The following ATG4D variants were observed in gnomAD, a reference collection of about 807,000 sequenced individuals.
The protein encoded by ATG4D is cysteine protease ATG4D.
In ATG4D, 51 loss-of-function variants were observed where a neutral mutation model predicts 55.2. The ratio of observed to expected loss-of-function variants is 0.92; its 90% CI spans 0.74 to 1.17. The LOEUF is 1.17. Ranked by LOEUF, ATG4D falls within the 50% of genes most tolerant of loss-of-function variation. ATG4D has a pLI of 0.00. For synonymous variants in ATG4D, 268 were observed against 266.2 expected (o/e 1.01, Z -0.07); for missense variants, 635 against 649.6 (o/e 0.98, Z 0.25).
rs1369132219 is a variant in ATG4D at position 10,552,246 on chromosome 19, G to C, written c.1164G>C (p.Lys388Asn). ...CTSPRKMAFA[K>N]MDPSCTVGFY... Reference sequence around the variant, plus strand: ...CGCCCCGCAAGATGGCCTTTGCCAAGATGGACCCAAGCTGTACCGTGGGCT... The same window carrying C: ...CGCCCCGCAAGATGGCCTTTGCCAACATGGACCCAAGCTGTACCGTGGGCT... The change falls in exon 9 of 10, where the codon AAG becomes AAC. Residue 388 changes from lysine (K) to asparagine (N), a missense_variant. Physicochemically the swap from Lys to Asn is moderately conservative, Grantham distance 94. Transcript: ENST00000309469. The C allele has an allele frequency of 1.2e-6, 2 of 1,613,660 alleles. No homozygotes were observed. The highest frequency in any genetic ancestry group is 3.3e-5 in the Admixed American group (2 of 60,006).
At position 10,544,325 on chromosome 19, in the gene ATG4D, G is replaced by A; in HGVS notation, c.235G>A (p.Gly79Ser). Residue 79 changes from glycine to serine, a missense_variant and splice_region_variant, in exon 1 of 10, where the codon GGT becomes AGT. Gly to Ser is a moderately conservative substitution (Grantham distance 56). Transcript: ENST00000309469. ...GACAGCCTGGAACAACGTCAAGTACGGTGAGGAGGGGGCCCGGAGATCGTG... is the reference window on the plus strand; with the variant it reads ...GACAGCCTGGAACAACGTCAAGTACAGTGAGGAGGGGGCCCGGAGATCGTG... ...FLTAWNNVKY[G>S]WVVKSRTSFS... 1.5e-6 allele frequency: 2 copies of A among 1,318,428 alleles called. No individual in the cohort carries two copies. Among genetic ancestry groups the A allele is most frequent in the South Asian group, 5.6e-5 (2 of 35,784 alleles). 81.7% of individuals were successfully genotyped at this position (1,318,428 alleles called of 1,614,324 possible). A position where few individuals can be genotyped will look rare whatever the true frequency, so the allele number is the denominator to read the frequency against.
intron 6 of ATG4D, among the ~76,000 whole-genome samples, chr19:10,549,438 G>A (rs747601203): frequency 6.1e-4 from 86 of 140,130 alleles, no homozygotes; most frequent in Non-Finnish European, 1.1e-3. Flanking sequence ...TTTTTTTTGA[G>A]ACAGAGTCTT....
Position 10,548,947 on chromosome 19 carries a change from C to G in ATG4D, c.879C>G (p.Pro293=). The G allele has an allele frequency of 6.2e-7, 1 of 1,614,058 alleles. No homozygotes were observed. The highest frequency in any genetic ancestry group is 8.5e-7 in the Non-Finnish European group (1 of 1,180,012). The change falls in exon 6 of 10, where the codon CCC becomes CCG. Residue 293 remains proline, a synonymous_variant. Transcript: ENST00000309469. ...DVARLVARPD[P]TAEWKSVVIL... is the part of the protein sequence containing the mutation. ...CACGCCTGGTGGCCAGGCCAGACCC[C>G]ACAGCCGAGTGGAAGTCTGTGGTCA...
Position 10,544,112 on chromosome 19 carries a change from G to A in ATG4D, c.22G>A (p.Ala8Thr). The change falls in exon 1 of 10, where the codon GCC (alanine) becomes ACC (threonine). Residue 8 changes from alanine to threonine, a missense_variant. Coordinates refer to ENST00000309469, the MANE Select transcript of ATG4D (RefSeq NM_032885.6). MNSVSPA[A>T]AQYRSSSPED... ...GTCCATGAACTCAGTGTCGCCGGCC[G>A]CCGCGCAGTACCGGAGCAGCAGCCC... 1 of 1,241,858 alleles carries A rather than the reference G, an allele frequency of 8.1e-7. No homozygotes were observed. Among genetic ancestry groups the A allele is most frequent in the Non-Finnish European group, 1.0e-6 (1 of 985,896 alleles). The allele number at this position is 1,241,858 out of a possible 1,614,324, so 76.9% of individuals were successfully genotyped here. A position where few individuals can be genotyped will look rare whatever the true frequency, so the allele number is the denominator to read the frequency against.
At position 10,546,864 on chromosome 19, in the gene ATG4D, C is replaced by A. The variant is rs1046890330; in HGVS notation, c.519C>A (p.Gly173=). 3.7e-6 allele frequency: 6 copies of A among 1,601,802 alleles called. No individual in the cohort carries two copies. Among genetic ancestry groups the A allele is most frequent in the Admixed American group, 3.4e-5 (2 of 59,434 alleles). The change falls in exon 4 of 10, where the codon GGC becomes GGA. Residue 173 remains glycine (G), a synonymous_variant. Transcript: ENST00000309469. ...ACTGGACATGGGCCGAGGGCATGGG[C>A]CTGGGCCCCCCTGAGCTGTCAGGGT... is the stretch of plus-strand genomic sequence containing the variant. ...PRDWTWAEGM[G]LGPPELSGSA...
rs755873095 is a variant in ATG4D at position 10,546,904 on chromosome 19, C to T, written c.559C>T (p.Arg187Trp). The T allele has an allele frequency of 2.4e-5, 38 of 1,611,406 alleles. No individual in the cohort carries two copies. The Middle Eastern group carries it at 3.8e-3, about 163-fold the overall frequency. The change falls in exon 4 of 10, where the codon CGG (arginine) becomes TGG (tryptophan). Residue 187 changes from arginine to tryptophan, a missense_variant. Arg to Trp is a moderately radical substitution (Grantham distance 101). Transcript: ENST00000309469. ...GCTGTCAGGGTCAGCCTCTCCCAGC[C>T]GGTACCATGGGCCTGCCCGCTGGAT... ...PELSGSASPS[R>W]YHGPARWMPP... is the part of the protein sequence containing the mutation.
intron 2 of ATG4D, 26 bp downstream of exon 2, chr19:10,544,892 TG>T: frequency 6.3e-7 from 1 of 1,598,590 alleles, no homozygotes; most frequent in Non-Finnish European, 8.5e-7. Context: ...GGACCAGGGC[TG>T]GGGGAGGCCT....
chr19:10,550,038 C>T (rs1356725637), intron 6 of ATG4D, among the ~76,000 whole-genome samples: 2 of 151,918 alleles, frequency 1.3e-5, no homozygotes, highest in Non-Finnish European at 2.9e-5. Flanking sequence ...ATTCGAGTCT[C>T]ACTCTCTTGC....
At chr19:10,547,152 T>C in intron 4 of ATG4D, 37 bp downstream of exon 4, 1 of 1,611,940 alleles carries the variant, frequency 6.2e-7, no homozygotes, top group Non-Finnish European at 8.5e-7. Context: ...AGTTGCTGGG[T>C]ACCCGCAGGC....
Position 10,544,248 on chromosome 19 carries a change from G to A in ATG4D, c.158G>A (p.Gly53Glu). Residue 53 changes from glycine (G) to glutamate (E), a missense_variant, in exon 1 of 10, where the codon GGG (glycine) becomes GAG (glutamate). Transcript: ENST00000309469. ...GASGPALGSP[G>E]AGPSEPDEVD... ...AGCGGCCCCGCTCTTGGCTCTCCCG[G>A]GGCTGGCCCGAGTGAGCCGGACGAA... 1 of 1,263,512 alleles carries A rather than the reference G, an allele frequency of 7.9e-7. No homozygotes were observed. The allele number at this position is 1,263,512 out of a possible 1,614,324, so 78.3% of individuals were successfully genotyped here.
Position 10,546,873 on chromosome 19 carries a change from C to T in ATG4D, c.528C>T (p.Pro176=), listed in dbSNP as rs762087089. The stretch of plus-strand genomic sequence containing the variant: ...GGGCCGAGGGCATGGGCCTGGGCCC[C>T]CCTGAGCTGTCAGGGTCAGCCTCTC... ...WTWAEGMGLG[P]PELSGSASPS... Residue 176 remains proline, a synonymous_variant, in exon 4 of 10, where the codon CCC becomes CCT. Coordinates refer to ENST00000309469, the MANE Select transcript of ATG4D (RefSeq NM_032885.6). 11 of 1,606,186 alleles carry T rather than the reference C, an allele frequency of 6.8e-6. No homozygotes were observed. Among genetic ancestry groups the T allele is most frequent in the Non-Finnish European group, 9.4e-6 (11 of 1,175,930 alleles).
intron 6 of ATG4D, among the ~76,000 whole-genome samples, chr19:10,549,654 G>T (rs1459931998): frequency 1.3e-5 from 2 of 151,760 alleles, no homozygotes; most frequent in African/African-American, 4.8e-5. Flanking sequence ...CCTGACCTCA[G>T]GTGATCCACC....
chr19:10,544,213 TTC>T lies in ATG4D; in HGVS notation c.124_125del (p.Ser42ArgfsTer16). On this transcript the variant is annotated frameshift_variant, in exon 1 of 10. Coordinates refer to ENST00000309469, the MANE Select transcript of ATG4D (RefSeq NM_032885.6). LOFTEE classifies it high-confidence loss of function. ...GCCCAGACCCCAACGGCCTGGGGCC[TTC>T]CGGAGCCAGCGGCCCCGCTCTTGGC... ...RGPDPNGLGP[S>X]GASGPALGSP... is the part of the protein sequence containing the mutation. The T allele has an allele frequency of 4.0e-6, 5 of 1,253,406 alleles. No individual in the cohort carries two copies. The highest frequency in any genetic ancestry group is 5.0e-6 in the Non-Finnish European group (5 of 991,098). 77.6% of individuals were successfully genotyped at this position (1,253,406 alleles called of 1,614,324 possible).
In ATG4D at chr19:10,544,058, C is replaced by T; in HGVS notation, c.-33C>T. 1 of 1,224,472 alleles carries T rather than the reference C, an allele frequency of 8.2e-7. No homozygotes were observed. The highest frequency in any genetic ancestry group is 1.0e-6 in the Non-Finnish European group (1 of 978,382). 75.9% of individuals were successfully genotyped at this position (1,224,472 alleles called of 1,614,324 possible). ...GGGGGGCAGCGGCCGCAGCCCCCCA[C>T]CTGGGCCCTCGGTCCGCCCTCCCGG... On this transcript the variant is annotated 5_prime_UTR_variant, in exon 1 of 10. Transcript: ENST00000309469.
intron 5 of ATG4D, among the ~76,000 whole-genome samples, chr19:10,547,675 G>GTA (rs1568415982): frequency 6.9e-6 from 1 of 144,766 alleles, no homozygotes; most frequent in South Asian, 2.3e-4. Context: ...GCTCACGCCT[G>GTA]TAATCCCAGC....
chr19:10,547,845 C>T (rs1232464974), intron 5 of ATG4D, among the ~76,000 whole-genome samples: 3 of 146,216 alleles, frequency 2.1e-5, no homozygotes, highest in Non-Finnish European at 3.0e-5. Context: ...TACAGGCACG[C>T]ACCACCATAC....
chr19:10,545,196 A>C (rs1207512119), intron 3 of ATG4D, 66 bp downstream of exon 3: 1 of 1,550,668 alleles, frequency 6.4e-7, no homozygotes, highest in African/African-American at 1.4e-5. Flanking sequence ...GCAGTATTAG[A>C]ATTACTTACC....
Position 10,549,119 on chromosome 19 carries a change from C to G in ATG4D, c.966+85C>G, listed in dbSNP as rs1916141291. On this transcript the variant is annotated intron_variant, in intron 6 of 9. Transcript: ENST00000309469. Reference sequence around the variant, plus strand: ...TGTGTTAGGGCTGCTGTTTGTGCAGCCCTCATCACTTTTTTTTTTTTGAGA... The same window carrying G: ...TGTGTTAGGGCTGCTGTTTGTGCAGGCCTCATCACTTTTTTTTTTTTGAGA... The G allele has an allele frequency of 2.0e-6, 3 of 1,503,634 alleles. No individual in the cohort carries two copies. In the South Asian group the frequency reaches 3.9e-5, roughly 20 times the overall value. The allele number at this position is 1,503,634 out of a possible 1,614,324, so 93.1% of individuals were successfully genotyped here. A position where few individuals can be genotyped will look rare whatever the true frequency, so the allele number is the denominator to read the frequency against.
chr19:10,549,144 A>G, intron 6 of ATG4D, 110 bp downstream of exon 6: 2 of 1,374,204 alleles, frequency 1.5e-6, no homozygotes, highest in Non-Finnish European at 2.0e-6. Flanking sequence ...TTTTTTTGAG[A>G]TGGAGTTTCG....
Sources: gnomAD v4.1 joint callset for allele counts (sites outside exome capture counted in the v4.1 genomes callset) on GRCh38, gnomAD v4.1.1 for gene constraint, MANE v1.5 for transcripts, NCBI Gene and HGNC (gene_info 2026-07-23, HGNC 2026-07-21) for gene names.